PROM1: variants seen among roughly 807,000 people sequenced by gnomAD.
PROM1 encodes prominin 1.
In PROM1, 105 loss-of-function variants were observed where a neutral mutation model predicts 116.9. The ratio of observed to expected loss-of-function variants is 0.90; its 90% CI spans 0.77 to 1.06. PROM1 has a LOEUF of 1.06. Ranked by LOEUF, PROM1 falls within the 50% of genes least tolerant of loss-of-function variation. The pLI, the probability that PROM1 is intolerant of heterozygous loss-of-function variation, is 0.00. For synonymous variants in PROM1, 393 were observed against 387.0 expected (o/e 1.02, Z -0.18); for missense variants, 1,122 against 1,045.2 (o/e 1.07, Z -1.01).
chr4:15,990,397 T>G (rs949629164), intron 18 of PROM1, among the ~76,000 whole-genome samples: 9 of 151,424 alleles, frequency 5.9e-5, no homozygotes, highest in East Asian at 3.9e-4. Flanking sequence ...AGCAGAGGAG[T>G]TGAAAGGGGA....
At chr4:15,974,628 A>G (rs2148996395) in intron 26 of PROM1, among the ~76,000 whole-genome samples, 1 of 152,214 alleles carries the variant, frequency 6.6e-6, no homozygotes, top group Non-Finnish European at 1.5e-5. Flanking sequence ...TTGTTCTTAC[A>G]TTAAATAATT....
At chr4:15,973,903 A>G (rs929985080) in intron 26 of PROM1, among the ~76,000 whole-genome samples, 1 of 152,088 alleles carries the variant, frequency 6.6e-6, no homozygotes, top group Non-Finnish European at 1.5e-5. Flanking sequence ...ACAGCCATAG[A>G]GGGCCGATGT....
At chr4:16,015,605 G>A (rs139071039) in intron 10 of PROM1, among the ~76,000 whole-genome samples, 65 of 151,962 alleles carry the variant, frequency 4.3e-4, no homozygotes, top group African/African-American at 1.3e-3. Context: ...CAGGAGAATC[G>A]CTTGAACTCG....
chr4:16,071,692 T>G (rs961099527), intron 2 of PROM1, among the ~76,000 whole-genome samples: 1 of 152,140 alleles, frequency 6.6e-6, no homozygotes, highest in Non-Finnish European at 1.5e-5. Context: ...AAGTGAGCCT[T>G]CCCTAGACAG....
At chr4:16,000,685 T>G in intron 13 of PROM1, 66 bp from the exon 14 acceptor site, 1 of 1,329,920 alleles carries the variant, frequency 7.5e-7, no homozygotes, top group Non-Finnish European at 1.0e-6. Flanking sequence ...TGATACTTAC[T>G]AAATCTACCT....
In PROM1 at chr4:16,076,135, C is replaced by G; in HGVS notation, c.-212-17G>C. 1 of 845,012 alleles carries G rather than the reference C, an allele frequency of 1.2e-6. No homozygotes were observed. Among genetic ancestry groups the G allele is most frequent in the Middle Eastern group, 3.8e-4 (1 of 2,640 alleles). 52.3% of individuals were successfully genotyped at this position (845,012 alleles called of 1,614,324 possible). A position where few individuals can be genotyped will look rare whatever the true frequency, so the allele number is the denominator to read the frequency against. On this transcript the variant is annotated splice_polypyrimidine_tract_variant and intron_variant, in intron 1 of 27. Coordinates refer to ENST00000447510, the MANE Select transcript of PROM1 (RefSeq NM_006017.3). ...GCACCATCCCTGGCAGGGAGAGAAACAGCAGCAGAGTCATCAATGCGTGTA... is the reference window on the plus strand; with the variant it reads ...GCACCATCCCTGGCAGGGAGAGAAAGAGCAGCAGAGTCATCAATGCGTGTA...
intron 2 of PROM1, among the ~76,000 whole-genome samples, chr4:16,072,802 C>T (rs1211389942): frequency 2.6e-5 from 4 of 152,214 alleles, no homozygotes; most frequent in Non-Finnish European, 5.9e-5. Context: ...GCTTGAGATA[C>T]TTTGCAGATA....
chr4:16,052,662 C>T (rs1004106881), intron 2 of PROM1, among the ~76,000 whole-genome samples: 4 of 152,094 alleles, frequency 2.6e-5, no homozygotes, highest in Non-Finnish European at 5.9e-5. Flanking sequence ...TGTATTTTTT[C>T]TAGAAACGAG....
intron 2 of PROM1, among the ~76,000 whole-genome samples, chr4:16,060,441 G>A (rs1383481790): frequency 1.3e-5 from 2 of 151,908 alleles, no homozygotes; most frequent in Non-Finnish European, 2.9e-5. Flanking sequence ...AGCCTCCCAA[G>A]TAGCTGGGAC....
chr4:15,994,615 T>C (rs2149139060), intron 15 of PROM1, among the ~76,000 whole-genome samples: 1 of 152,276 alleles, frequency 6.6e-6, no homozygotes, highest in East Asian at 1.9e-4. Flanking sequence ...GTAACCTAAG[T>C]CAGCCCCCTG....
intron 8 of PROM1, 110 bp from the exon 9 acceptor site, chr4:16,018,650 G>T: frequency 1.1e-6 from 1 of 926,144 alleles, no homozygotes; most frequent in Non-Finnish European, 1.7e-6. Context: ...AGATGGCAGT[G>T]AGAGGGACAC....
At chr4:16,032,084 G>A (rs548379524) in intron 5 of PROM1, among the ~76,000 whole-genome samples, 11 of 151,708 alleles carry the variant, frequency 7.3e-5, no homozygotes, top group Admixed American at 5.2e-4. Flanking sequence ...CCAGTTTCTT[G>A]TCAACCCTTT....
rs371237729 is a variant in PROM1, at chr4:16,018,393, G to A, written c.932C>T (p.Pro311Leu). The change falls in exon 9 of 28, where the codon CCA becomes CTA. Residue 311 changes from proline (P) to leucine (L), a missense_variant. Physicochemically the swap from Pro to Leu is moderately conservative, Grantham distance 98. Coordinates refer to ENST00000447510, the MANE Select transcript of PROM1 (RefSeq NM_006017.3). The part of the protein sequence containing the change: ...SLNDPLCLVH[P>L]SSETCNSIRL... ...GATGCTGTTGCAGGTTTCACTTGAT[G>A]GATGCACCAAGCACAGAGGGTCATT... The A allele has an allele frequency of 6.8e-6, 11 of 1,613,756 alleles. No homozygotes were observed. The highest frequency in any genetic ancestry group is 9.3e-6 in the Non-Finnish European group (11 of 1,179,906).
intron 5 of PROM1, among the ~76,000 whole-genome samples, chr4:16,031,305 T>C (rs1578127046): frequency 6.6e-6 from 1 of 152,066 alleles, no homozygotes; most frequent in Admixed American, 6.5e-5. Context: ...AACATGGCTG[T>C]GCAAGTGTCT....
At chr4:16,072,179 G>A (rs1050013423) in intron 2 of PROM1, among the ~76,000 whole-genome samples, 5 of 152,072 alleles carry the variant, frequency 3.3e-5, no homozygotes, top group Non-Finnish European at 7.4e-5. Context: ...AGTCCCAGCT[G>A]AATAAGACCT....
At chr4:16,008,122 AT>A (rs1326092679) in intron 12 of PROM1, among the ~76,000 whole-genome samples, 2 of 152,218 alleles carry the variant, frequency 1.3e-5, no homozygotes, top group Non-Finnish European at 2.9e-5. Flanking sequence ...TATAATTTTA[AT>A]TACGTATCCT....
At chr4:16,049,626 A>G (rs1334426322) in intron 2 of PROM1, among the ~76,000 whole-genome samples, 1 of 152,130 alleles carries the variant, frequency 6.6e-6, no homozygotes, top group African/African-American at 2.4e-5. Context: ...AACAATTTTT[A>G]CAGTATTTCA....
rs891487392 is a variant in PROM1, at chr4:15,991,282, G to T, written c.1923C>A (p.Ser641=). Residue 641 remains serine (S), a synonymous_variant, in exon 18 of 28, where the codon TCC becomes TCA. Coordinates refer to ENST00000447510, the MANE Select transcript of PROM1 (RefSeq NM_006017.3). ...YDSYLAQTGK[S]PAGVNLLSFA... Reference sequence around the variant, plus strand: ...ATGATAAAAGATTCACTCCTGCGGGGGATTTACCAGTCTACAATAGAAGTG... The same window carrying T: ...ATGATAAAAGATTCACTCCTGCGGGTGATTTACCAGTCTACAATAGAAGTG... 1.2e-6 allele frequency: 2 copies of T among 1,600,742 alleles called. No homozygotes were observed. Among genetic ancestry groups the T allele is most frequent in the African/African-American group, 1.4e-5 (1 of 74,018 alleles).
Position 16,005,490 on chromosome 4 carries a change from T to A in PROM1, c.1454+1048A>T, listed in dbSNP as rs1443137096. 2.3e-5 allele frequency among the ~76,000 whole-genome samples: 3 copies of A among 131,886 alleles called. No individual in the cohort carries two copies. The Admixed American group carries it at 2.6e-4, about 11-fold the overall frequency. The allele number at this position is 131,886 out of a possible 152,430, so 86.5% of individuals were successfully genotyped here. The stretch of plus-strand genomic sequence containing the variant: ...TTCCAGTGACCCAAAGTTTTTTGTT[T>A]GTTTGGTGTGTGTGTGTGTGTGTGT... On this transcript the variant is annotated intron_variant, in intron 13 of 27. Coordinates refer to ENST00000447510, the MANE Select transcript of PROM1 (RefSeq NM_006017.3).
Sources: gnomAD v4.1 joint callset for allele counts (sites outside exome capture counted in the v4.1 genomes callset) on GRCh38, gnomAD v4.1.1 for gene constraint, MANE v1.5 for transcripts, NCBI Gene and HGNC (gene_info 2026-07-23, HGNC 2026-07-21) for gene names.